The following SEPTIN9 variants were observed in gnomAD, a reference collection of about 807,000 sequenced individuals.
SEPTIN9 encodes septin-9.
SEPTIN9 carries 13 observed loss-of-function variants against 56.6 expected under a neutral mutation model. The ratio of observed to expected loss-of-function variants is 0.23; its 90% CI spans 0.15 to 0.37. The LOEUF (loss-of-function observed/expected upper bound fraction) is 0.37, where lower values mean the gene tolerates loss of function less well. Ranked by LOEUF, SEPTIN9 falls within the 10% of genes least tolerant of loss-of-function variation. The probability of loss-of-function intolerance (pLI) is 1.00; values close to 1 mark genes in which losing one functional copy is unlikely to be tolerated. For missense variants in SEPTIN9, 650 were observed against 823.1 expected (o/e 0.79, Z 2.57); for synonymous variants, 332 against 334.1 (o/e 0.99, Z 0.07).
Position 77,482,235 on chromosome 17 carries a change from G to C in SEPTIN9, c.813G>C (p.Lys271Asn). Residue 271 changes from lysine (K) to asparagine (N), a missense_variant, in exon 4 of 12, where the codon AAG (lysine) becomes AAC (asparagine). Lys to Asn is a moderately conservative substitution (Grantham distance 94). Transcript: ENST00000427177. ...AGGCGCCTGCATCACGGAACGAGAA[G>C]GCCCCGGTGGACTTCGGCTACGTGG... ...LKQAPASRNE[K>N]APVDFGYVGI... 1 of 1,613,036 alleles carries C rather than the reference G, an allele frequency of 6.2e-7. No homozygotes were observed. The highest frequency in any genetic ancestry group is 8.5e-7 in the Non-Finnish European group (1 of 1,179,872).
At chr17:77,282,721 G>A (rs959876082) in intron 1 of SEPTIN9, among the ~76,000 whole-genome samples, 3 of 152,204 alleles carry the variant, frequency 2.0e-5, no homozygotes, top group Admixed American at 2.0e-4. Context: ...GGCCCTCTAC[G>A]CACCCGGAGC....
chr17:77,385,282 C>A (rs2035296895), intron 2 of SEPTIN9, among the ~76,000 whole-genome samples: 1 of 151,896 alleles, frequency 6.6e-6, no homozygotes. Context: ...CATGCCTCAG[C>A]CTCCTGAGTA....
chr17:77,417,893 T>C (rs999448853), intron 3 of SEPTIN9, among the ~76,000 whole-genome samples: 7 of 152,208 alleles, frequency 4.6e-5, no homozygotes, highest in African/African-American at 1.4e-4. Context: ...CAGCACCTGC[T>C]GCACAGGCGT....
rs1757351285 is a variant in SEPTIN9, at chr17:77,421,854, G to A, written c.721+19151G>A. 6.6e-6 allele frequency among the ~76,000 whole-genome samples: 1 copy of A among 152,022 alleles called. No homozygotes were observed. The highest frequency in any genetic ancestry group is 6.6e-5 in the Admixed American group (1 of 15,262). ...AAGGTTCTGCTAAGCTCCATGGAGT[G>A]TAGGGATTTTTTTTGAGACGGTCTC... On this transcript the variant is annotated intron_variant, in intron 3 of 11. Coordinates refer to ENST00000427177, the MANE Select transcript of SEPTIN9 (RefSeq NM_001113491.2). The surrounding 1 kb of genome is among the most constrained non-coding windows in gnomAD (Gnocchi z 4.6).
Position 77,500,012 on chromosome 17 carries a change from A to G in SEPTIN9, c.*1354A>G. On this transcript the variant is annotated 3_prime_UTR_variant, in exon 12 of 12. Transcript: ENST00000427177. ...GGGCTGTCTTTGCAGGGCACAGATG[A>G]CCAAAGTCCCTTCCTGCTTCCTGTT... 1 of 235,674 alleles carries G rather than the reference A, an allele frequency of 4.2e-6. No homozygotes were observed. The highest frequency in any genetic ancestry group is 6.0e-5 in the East Asian group (1 of 16,554). The allele number at this position is 235,674 out of a possible 1,614,324, so 14.6% of individuals were successfully genotyped here.
chr17:77,359,062 AG>A (rs2034339245), intron 2 of SEPTIN9, among the ~76,000 whole-genome samples: 1 of 152,190 alleles, frequency 6.6e-6, no homozygotes, highest in South Asian at 2.1e-4. Flanking sequence ...GAAGGGAAGA[AG>A]GGAGAGGGGA....
rs2034651588 is a variant in SEPTIN9 at position 77,369,237 on chromosome 17, A to T, written c.77-32822A>T. ...TGACAGAGTGAGACCCTGTCAAAAAAGAAAAGAAAAGAAAGAAATTGGCCA... is the reference window on the plus strand; with the variant it reads ...TGACAGAGTGAGACCCTGTCAAAAATGAAAAGAAAAGAAAGAAATTGGCCA... On this transcript the variant is annotated intron_variant, in intron 2 of 11. Coordinates refer to ENST00000427177, the MANE Select transcript of SEPTIN9 (RefSeq NM_001113491.2). This position sits in a 1 kb window ranked among gnomAD's most constrained non-coding sequence, Gnocchi z 4.9. 6.6e-6 allele frequency among the ~76,000 whole-genome samples: 1 copy of T among 152,156 alleles called. No individual in the cohort carries two copies. The highest frequency in any genetic ancestry group is 1.9e-4 in the East Asian group (1 of 5,198).
chr17:77,373,746 C>A, intron 2 of SEPTIN9: 1 of 1,171,664 alleles, frequency 8.5e-7, no homozygotes, highest in Non-Finnish European at 1.1e-6. Flanking sequence ...ACGTGGGGGA[C>A]CCTGTTAGGG....
chr17:77,413,903 C>T (rs182274383), intron 3 of SEPTIN9, among the ~76,000 whole-genome samples: 1 of 149,202 alleles, frequency 6.7e-6, no homozygotes, highest in East Asian at 2.0e-4. Flanking sequence ...TGATGGAATT[C>T]TTACCTTTAC....
At chr17:77,490,609 C>T (rs1289609367) in intron 7 of SEPTIN9, 133 bp from the exon 8 acceptor site, 3 of 711,600 alleles carry the variant, frequency 4.2e-6, no homozygotes, top group African/African-American at 1.7e-5. Flanking sequence ...CGGCCCGGGG[C>T]CCTGTCCTTG....
intron 2 of SEPTIN9, among the ~76,000 whole-genome samples, chr17:77,362,655 G>C (rs1476785641): frequency 6.6e-6 from 1 of 152,222 alleles, no homozygotes; most frequent in African/African-American, 2.4e-5. Flanking sequence ...TGCCTTCGCA[G>C]TCTGAGCTGA....
chr17:77,347,917 T>C (rs1220960112), intron 2 of SEPTIN9, among the ~76,000 whole-genome samples: 1 of 152,164 alleles, frequency 6.6e-6, no homozygotes, highest in Admixed American at 6.5e-5. Flanking sequence ...TAAGCTAGAA[T>C]GTTCGGTAAG....
intron 3 of SEPTIN9, among the ~76,000 whole-genome samples, chr17:77,466,743 A>C (rs1395752638): frequency 6.6e-6 from 1 of 152,196 alleles, no homozygotes; most frequent in South Asian, 2.1e-4. Flanking sequence ...CTGCAGTTTT[A>C]TTACTTTGCT....
chr17:77,381,640 T>C (rs1568026126), intron 2 of SEPTIN9, among the ~76,000 whole-genome samples: 1 of 152,246 alleles, frequency 6.6e-6, no homozygotes, highest in Non-Finnish European at 1.5e-5. Context: ...GGTCAGGGAA[T>C]GGAGTGCTCT....
chr17:77,412,105 G>A (rs1297034832), intron 3 of SEPTIN9, among the ~76,000 whole-genome samples: 2 of 149,262 alleles, frequency 1.3e-5, no homozygotes, highest in African/African-American at 2.5e-5. Context: ...ACTCCAGCCT[G>A]GGTGACAGAG....
At chr17:77,482,081 C>A in intron 3 of SEPTIN9, 63 bp from the exon 4 acceptor site, 1 of 1,462,064 alleles carries the variant, frequency 6.8e-7, no homozygotes, top group Non-Finnish European at 9.1e-7. Flanking sequence ...GTGACAACCA[C>A]CTGGCAGGCG....
At chr17:77,490,600 G>A in intron 7 of SEPTIN9, 142 bp from the exon 8 acceptor site, 3 of 680,264 alleles carry the variant, frequency 4.4e-6, no homozygotes, top group Non-Finnish European at 7.9e-6. Context: ...TGGCCGACTC[G>A]GCCCGGGGCC....
chr17:77,491,805 CAAA>C (rs35233871), intron 8 of SEPTIN9, among the ~76,000 whole-genome samples: 2 of 59,584 alleles, frequency 3.4e-5, no homozygotes, highest in African/African-American at 6.5e-5. Flanking sequence ...GACTCCATCT[CAAA>C]AAAAAAAAAA....
chr17:77,458,608 T>C (rs79690919), intron 3 of SEPTIN9, among the ~76,000 whole-genome samples: 4,180 of 152,256 alleles, frequency 0.027, 145 homozygotes, highest in African/African-American at 0.082. Flanking sequence ...CAAACGGGGA[T>C]GAAACTGAAG....
Sources: allele counts gnomAD v4.1 joint callset (sites outside exome capture counted in the v4.1 genomes callset), GRCh38; gene constraint gnomAD v4.1.1; non-coding constraint Gnocchi (gnomAD v3.1); transcripts MANE v1.5; gene names NCBI Gene and HGNC (gene_info 2026-07-23, HGNC 2026-07-21).